The following TMEM62 variants were observed in gnomAD, a reference collection of about 807,000 sequenced individuals.
TMEM62 encodes transmembrane protein 62.
TMEM62 carries 41 observed loss-of-function variants against 70.4 expected under a neutral mutation model. The ratio of observed to expected loss-of-function variants is 0.58; its 90% CI spans 0.45 to 0.76. The LOEUF is 0.76. TMEM62 is among the 30% of genes least tolerant of loss of function. The pLI, the probability that TMEM62 is intolerant of heterozygous loss-of-function variation, is 0.00. For missense variants in TMEM62, 688 were observed against 788.5 expected (o/e 0.87, Z 1.53); for synonymous variants, 268 against 291.0 (o/e 0.92, Z 0.80).
chr15:43,177,923 AC>A (rs932222213), intron 11 of TMEM62, among the ~76,000 whole-genome samples: 2 of 151,832 alleles, frequency 1.3e-5, no homozygotes, highest in Non-Finnish European at 2.9e-5. Flanking sequence ...GGTGCAGCAC[AC>A]CAGCATGGCA....
At chr15:43,173,765 T>C (rs1444216835) in intron 11 of TMEM62, among the ~76,000 whole-genome samples, 1 of 151,960 alleles carries the variant, frequency 6.6e-6, no homozygotes, top group Non-Finnish European at 1.5e-5. Flanking sequence ...ATTAATTCTA[T>C]ACTTAATTAG....
Position 43,133,667 on chromosome 15 carries a change from C to T in TMEM62, c.-136C>T, listed in dbSNP as rs1315727436. 3 of 599,486 alleles carry T rather than the reference C, an allele frequency of 5.0e-6. No homozygotes were observed. The highest frequency in any genetic ancestry group is 7.3e-6 in the Non-Finnish European group (3 of 410,182). 37.1% of individuals were successfully genotyped at this position (599,486 alleles called of 1,614,324 possible). A position where few individuals can be genotyped will look rare whatever the true frequency, so the allele number is the denominator to read the frequency against. ...TAGGCCCAGTGTCTGGCTCCAGCCC[C>T]GCATCCGGCGCCGGCCCCGCATCCA... On this transcript the variant is annotated 5_prime_UTR_variant, in exon 1 of 14. Coordinates refer to ENST00000260403, the MANE Select transcript of TMEM62 (RefSeq NM_024956.4).
intron 11 of TMEM62, among the ~76,000 whole-genome samples, chr15:43,178,273 T>TTA (rs1028968437): frequency 2.0e-5 from 3 of 151,930 alleles, no homozygotes; most frequent in Non-Finnish European, 4.4e-5. Context: ...CTTTCAGTTA[T>TTA]TATATATATA....
intron 10 of TMEM62, among the ~76,000 whole-genome samples, chr15:43,162,433 CT>C (rs1169921008): frequency 1.2e-3 from 165 of 136,828 alleles, no homozygotes; most frequent in Non-Finnish European, 1.6e-3. Context: ...GCCCCTGGCC[CT>C]TTTTTTTTTT....
chr15:43,135,372 T>C (rs1403879484), intron 2 of TMEM62, 140 bp from the exon 3 acceptor site: 15 of 760,476 alleles, frequency 2.0e-5, no homozygotes, highest in South Asian at 1.0e-4. Flanking sequence ...GATTTGGACA[T>C]TGGTGGTCTC....
At chr15:43,184,225 A>C (rs1305858661) in intron 13 of TMEM62, 35 bp from the exon 14 acceptor site, 1 of 1,568,598 alleles carries the variant, frequency 6.4e-7, no homozygotes, top group Admixed American at 1.8e-5. Context: ...TCTTCCAAGG[A>C]CTTGGGAGTA....
upstream of TMEM62, chr15:43,133,480 C>T (rs568308561): frequency 4.0e-6 from 1 of 252,658 alleles, no homozygotes; most frequent in East Asian, 7.4e-5. Context: ...CTCCCGGCCA[C>T]TGGTCCCGGT....
At chr15:43,172,443 G>A (rs539830862) in intron 11 of TMEM62, among the ~76,000 whole-genome samples, 13 of 152,250 alleles carry the variant, frequency 8.5e-5, no homozygotes, top group African/African-American at 3.1e-4. Context: ...AAATCTTAAA[G>A]CTAATTATAT....
intron 11 of TMEM62, among the ~76,000 whole-genome samples, chr15:43,173,454 C>T (rs1205743489): frequency 6.6e-6 from 1 of 152,198 alleles, no homozygotes; most frequent in Non-Finnish European, 1.5e-5. Flanking sequence ...GGTCAGACAT[C>T]TCTGCAAGAC....
chr15:43,174,601 C>T (rs1184880921), intron 11 of TMEM62, among the ~76,000 whole-genome samples: 1 of 152,108 alleles, frequency 6.6e-6, no homozygotes, highest in Admixed American at 6.6e-5. Context: ...TTAAAACAAT[C>T]ATGTGAGGTA....
At chr15:43,184,207 G>T in intron 13 of TMEM62, 53 bp from the exon 14 acceptor site, 1 of 1,505,560 alleles carries the variant, frequency 6.6e-7, no homozygotes, top group South Asian at 1.3e-5. Flanking sequence ...GCATTATTAA[G>T]ACCAAACTCT....
At chr15:43,159,739 A>G (rs2038457040) in intron 9 of TMEM62, among the ~76,000 whole-genome samples, 1 of 152,132 alleles carries the variant, frequency 6.6e-6, no homozygotes, top group African/African-American at 2.4e-5. Flanking sequence ...CTTCCTATTC[A>G]AGAACTGGAA....
At chr15:43,162,433 C>CTTTTTTTTTTTTT (rs1169921008) in intron 10 of TMEM62, among the ~76,000 whole-genome samples, 35 of 137,010 alleles carry the variant, frequency 2.6e-4, no homozygotes, top group African/African-American at 9.8e-4. Context: ...GCCCCTGGCC[C>CTTTTTTTTTTTTT]TTTTTTTTTT....
chr15:43,137,536 T>G (rs1268235032), intron 3 of TMEM62, among the ~76,000 whole-genome samples: 1 of 152,286 alleles, frequency 6.6e-6, no homozygotes, highest in African/African-American at 2.4e-5. Context: ...ACGCCATGCC[T>G]AGCTAAGTCT....
At chr15:43,170,752 C>T (rs2040100310) in intron 11 of TMEM62, among the ~76,000 whole-genome samples, 1 of 152,094 alleles carries the variant, frequency 6.6e-6, no homozygotes, top group Admixed American at 6.6e-5. Flanking sequence ...TGGAAAGATA[C>T]TTAAATATAA....
chr15:43,175,268 T>C (rs2040602379), intron 11 of TMEM62, among the ~76,000 whole-genome samples: 1 of 152,218 alleles, frequency 6.6e-6, no homozygotes, highest in South Asian at 2.1e-4. Flanking sequence ...GGAAAGGTCA[T>C]GCATTATCAG....
Position 43,169,453 on chromosome 15 carries a change from G to A in TMEM62, c.1297-140G>A. 1.2e-5 allele frequency: 8 copies of A among 668,906 alleles called. No homozygotes were observed. The South Asian group carries it at 1.4e-4, about 11-fold the overall frequency. 41.4% of individuals were successfully genotyped at this position (668,906 alleles called of 1,614,324 possible). On this transcript the variant is annotated intron_variant, in intron 10 of 13. Coordinates refer to ENST00000260403, the MANE Select transcript of TMEM62 (RefSeq NM_024956.4). Reference sequence around the variant, plus strand: ...GGATTTTAGGAGCTCTGACCAGTGGGGACAAAGACCAAAATATGTATTTCT... The same window carrying A: ...GGATTTTAGGAGCTCTGACCAGTGGAGACAAAGACCAAAATATGTATTTCT...
At chr15:43,140,950 C>T (rs538796868) in intron 4 of TMEM62, among the ~76,000 whole-genome samples, 14 of 152,350 alleles carry the variant, frequency 9.2e-5, no homozygotes, top group African/African-American at 2.6e-4. Context: ...GTTCCACACA[C>T]GAGCCCATAG....
intron 8 of TMEM62, 133 bp from the exon 9 acceptor site, chr15:43,154,539 G>A: frequency 9.0e-6 from 6 of 663,140 alleles, no homozygotes; most frequent in Middle Eastern, 4.5e-4. Context: ...CATATCAATA[G>A]TGGCTCCTGC....
Sources: gnomAD v4.1 joint callset for allele counts (sites outside exome capture counted in the v4.1 genomes callset) on GRCh38, gnomAD v4.1.1 for gene constraint, MANE v1.5 for transcripts, NCBI Gene and HGNC (gene_info 2026-07-23, HGNC 2026-07-21) for gene names.